The following UPP2 variants were observed in gnomAD, a reference collection of about 807,000 sequenced individuals.
UPP2 encodes UPase 2.
UPP2 carries 23 observed loss-of-function variants against 26.7 expected under a neutral mutation model. The observed-to-expected ratio is 0.86, with a 90% CI of 0.62 to 1.22. UPP2 has a LOEUF of 1.22. UPP2 is among the 50% of genes most tolerant of loss of function. The pLI, the probability that UPP2 is intolerant of heterozygous loss-of-function variation, is 0.00. For synonymous variants in UPP2, 127 were observed against 141.3 expected (o/e 0.90, Z 0.72); for missense variants, 387 against 396.7 (o/e 0.98, Z 0.21).
At chr2:158,025,770 C>G (rs1683823705) in intron 3 of UPP2, among the ~76,000 whole-genome samples, 1 of 152,218 alleles carries the variant, frequency 6.6e-6, no homozygotes, top group Non-Finnish European at 1.5e-5. Flanking sequence ...GTTCAGAGAG[C>G]AACTCCTGGC....
At chr2:158,019,336 C>G (rs374527290) in intron 3 of UPP2, among the ~76,000 whole-genome samples, 1 of 152,032 alleles carries the variant, frequency 6.6e-6, no homozygotes. Flanking sequence ...GAAGAGAGGA[C>G]AAACCTGGAG....
Position 158,003,803 on chromosome 2 carries a change from A to G in UPP2, c.61+8544A>G, listed in dbSNP as rs538841490. On this transcript the variant is annotated intron_variant, in intron 2 of 9. Transcript: ENST00000605860. Reference sequence around the variant, plus strand: ...AGTACAACCTCATGGCTTTTAATATATGGGTATATAGAAGTAAATACAGAT... The same window carrying G: ...AGTACAACCTCATGGCTTTTAATATGTGGGTATATAGAAGTAAATACAGAT... 3.3e-5 allele frequency among the ~76,000 whole-genome samples: 5 copies of G among 152,234 alleles called. No homozygotes were observed. In the South Asian group the frequency reaches 6.2e-4, roughly 19 times the overall value.
Position 158,001,699 on chromosome 2 carries a change from T to C in UPP2, c.61+6440T>C, listed in dbSNP as rs567908641. Among the ~76,000 whole-genome samples the C allele has an allele frequency of 2.0e-5, 3 of 152,248 alleles. No homozygotes were observed. In the East Asian group the frequency reaches 5.8e-4, roughly 29 times the overall value. On this transcript the variant is annotated intron_variant, in intron 2 of 9. Coordinates refer to the UPP2 transcript ENST00000605860. Reference sequence around the variant, plus strand: ...AGATGAAATAACTTATTCCTGGTCATATTCACAAAACATGTGTCTGCTCTG... The same window carrying C: ...AGATGAAATAACTTATTCCTGGTCACATTCACAAAACATGTGTCTGCTCTG...
intron 3 of UPP2, among the ~76,000 whole-genome samples, chr2:158,095,620 A>T (rs1054395516): frequency 6.6e-6 from 1 of 152,198 alleles, no homozygotes; most frequent in South Asian, 2.1e-4. Flanking sequence ...CATTTGATTT[A>T]ACCTCTCTAG....
At chr2:158,079,579 T>G (rs1682688119) in intron 3 of UPP2, among the ~76,000 whole-genome samples, 1 of 152,096 alleles carries the variant, frequency 6.6e-6, no homozygotes, top group South Asian at 2.1e-4. Context: ...TTAGAAAAAT[T>G]AAAAGGCGAT....
chr2:158,076,150 C>T (rs1387421746), intron 3 of UPP2, among the ~76,000 whole-genome samples: 1 of 151,796 alleles, frequency 6.6e-6, no homozygotes, highest in Admixed American at 6.6e-5. Flanking sequence ...CTGAACAGAC[C>T]AATAACAACA....
rs555784215 is a variant in UPP2, at chr2:158,129,290, T to G, written c.811+5395T>G. ...AGTAAGTACACAAGGCTCCATCGTC[T>G]ACCTATCCTGTAGCATCTCTGGTTA... On this transcript the variant is annotated intron_variant, in intron 6 of 6. Transcript: ENST00000005756. Among the ~76,000 whole-genome samples, 13 of 152,216 alleles carry G rather than the reference T, an allele frequency of 8.5e-5. No homozygotes were observed. The South Asian group carries it at 2.7e-3, about 32-fold the overall frequency.
chr2:158,132,343 G>C (rs577962792), intron 6 of UPP2, among the ~76,000 whole-genome samples: 1 of 152,342 alleles, frequency 6.6e-6, no homozygotes, highest in Non-Finnish European at 1.5e-5. Flanking sequence ...TAGCTCAGGG[G>C]AGGAGTGGAT....
upstream of UPP2, among the ~76,000 whole-genome samples, chr2:158,101,238 G>A (rs1683070099): frequency 6.6e-6 from 1 of 152,188 alleles, no homozygotes; most frequent in Non-Finnish European, 1.5e-5. Context: ...AGTGAAAAGT[G>A]AGAAGCATTA....
intron 3 of UPP2, among the ~76,000 whole-genome samples, chr2:158,083,404 A>G (rs28829033): frequency 0.023 from 3,438 of 152,282 alleles, 135 homozygotes; most frequent in African/African-American, 0.075. Context: ...TGTCCTTTGC[A>G]GGGACATGGA....
intron 3 of UPP2, among the ~76,000 whole-genome samples, chr2:158,027,511 C>T (rs951166265): frequency 6.6e-6 from 1 of 152,180 alleles, no homozygotes; most frequent in Non-Finnish European, 1.5e-5. Flanking sequence ...TTGTAGGGTA[C>T]AGCCTCCCTC....
chr2:158,005,364 T>C (rs574692964), intron 2 of UPP2, among the ~76,000 whole-genome samples: 1 of 152,354 alleles, frequency 6.6e-6, no homozygotes, highest in South Asian at 2.1e-4. Flanking sequence ...CTGAAATGTT[T>C]AAGCAGGAGA....
At chr2:158,015,933 T>C (rs1004835672) in intron 3 of UPP2, 13 of 393,902 alleles carry the variant, frequency 3.3e-5, no homozygotes, top group African/African-American at 2.7e-4. Context: ...CAGTCTCAGG[T>C]AGTTCTTTAT....
intron 3 of UPP2, among the ~76,000 whole-genome samples, chr2:158,085,265 G>T (rs142008874): frequency 4.6e-5 from 7 of 151,890 alleles, no homozygotes; most frequent in African/African-American, 1.4e-4. Flanking sequence ...TGCAACTATT[G>T]TAACAGGGAT....
At chr2:158,047,030 C>T (rs1159037700) in intron 3 of UPP2, among the ~76,000 whole-genome samples, 1 of 152,190 alleles carries the variant, frequency 6.6e-6, no homozygotes. Context: ...TTTGCAGTCT[C>T]TCTGGGTTAT....
At chr2:158,033,378 T>C (rs756058996) in intron 3 of UPP2, among the ~76,000 whole-genome samples, 11 of 152,150 alleles carry the variant, frequency 7.2e-5, no homozygotes, top group Admixed American at 1.3e-4. Context: ...TGCATTTAGC[T>C]GGGCTCTTAG....
In UPP2 at chr2:158,101,999, T is replaced by C. The variant is rs781246109; in HGVS notation, c.-65T>C. 6.2e-7 allele frequency: 1 copy of C among 1,603,388 alleles called. No homozygotes were observed. The highest frequency in any genetic ancestry group is 1.7e-5 in the Admixed American group (1 of 58,570). Reference sequence around the variant, plus strand: ...TATTATGACTAGGTCTATAATTTAATAACAAGTCACAATATCTCTCTTTCT... The same window carrying C: ...TATTATGACTAGGTCTATAATTTAACAACAAGTCACAATATCTCTCTTTCT... On this transcript the variant is annotated 5_prime_UTR_variant, in exon 1 of 7. Coordinates refer to ENST00000005756, the MANE Select transcript of UPP2 (RefSeq NM_173355.4).
chr2:158,078,143 G>A (rs767232738), intron 3 of UPP2, among the ~76,000 whole-genome samples: 2 of 152,058 alleles, frequency 1.3e-5, no homozygotes, highest in Non-Finnish European at 2.9e-5. Flanking sequence ...CAAATGCTAG[G>A]AAGGATATGG....
chr2:158,067,717 C>G (rs1682460914), intron 3 of UPP2, among the ~76,000 whole-genome samples: 1 of 152,012 alleles, frequency 6.6e-6, no homozygotes, highest in African/African-American at 2.4e-5. Context: ...CACTTATTTA[C>G]CTATAATTTC....
Sources: gnomAD v4.1 joint callset for allele counts (sites outside exome capture counted in the v4.1 genomes callset) on GRCh38, gnomAD v4.1.1 for gene constraint, MANE v1.5 for transcripts, NCBI Gene and HGNC (gene_info 2026-07-23, HGNC 2026-07-21) for gene names.